Variants in LARS2 observed in about 807,000 individuals in gnomAD.
The protein encoded by LARS2 is leucine--tRNA ligase, mitochondrial.
A neutral mutation model predicts 116.6 loss-of-function variants in LARS2; 81 were observed. The ratio of observed to expected loss-of-function variants is 0.69; its 90% CI spans 0.58 to 0.84. LARS2 has a LOEUF of 0.84. LARS2 is among the 40% of genes least tolerant of loss of function. The pLI is 0.00. For synonymous variants in LARS2, 396 were observed against 407.2 expected (o/e 0.97, Z 0.33); for missense variants, 968 against 1,114.5 (o/e 0.87, Z 1.87).
At position 45,547,541 on chromosome 3, in the gene LARS2, G is replaced by A; in HGVS notation, c.*11G>A. 1.0e-5 allele frequency: 16 copies of A among 1,591,254 alleles called. No individual in the cohort carries two copies. Among genetic ancestry groups the A allele is most frequent in the Non-Finnish European group, 1.4e-5 (16 of 1,169,856 alleles). ...CTGGTGCAAGATTGACAGCCAGGAG[G>A]CTGCAGCTACCACGAGGGCCTCTGA... On this transcript the variant is annotated 3_prime_UTR_variant, in exon 22 of 22. Coordinates refer to ENST00000645846, the MANE Select transcript of LARS2 (RefSeq NM_015340.4).
chr3:45,446,840 TG>T (rs764809698), intron 6 of LARS2, 50 bp from the exon 7 acceptor site: 5 of 1,085,662 alleles, frequency 4.6e-6, no homozygotes, highest in East Asian at 2.5e-5. Context: ...CATGCATGGC[TG>T]GGGGGATGTT....
At chr3:45,525,762 G>T (rs1039252155) in intron 20 of LARS2, among the ~76,000 whole-genome samples, 2 of 152,170 alleles carry the variant, frequency 1.3e-5, no homozygotes. Flanking sequence ...AGGTGGCTTA[G>T]TTGGAAGAAG....
chr3:45,548,377 A>T lies in LARS2; in HGVS notation c.*847A>T, dbSNP rs1187301370. On this transcript the variant is annotated 3_prime_UTR_variant, in exon 22 of 22. Transcript: ENST00000645846. ...CTGCTGGTCCCAACCTCAGAGCCCC[A>T]CCGCAGCCCAGTAGGGATGCAGCAC... is the stretch of plus-strand genomic sequence containing the variant. 1 of 152,272 alleles carries T rather than the reference A, an allele frequency of 6.6e-6. No individual in the cohort carries two copies. Among genetic ancestry groups the T allele is most frequent in the Admixed American group, 6.5e-5 (1 of 15,276 alleles). 9.4% of individuals were successfully genotyped at this position (152,272 alleles called of 1,614,324 possible).
rs568691027 is a variant in LARS2, at chr3:45,500,632, T to C, written c.1760+53T>C. ...AATTGAGTTCCATGAATAGCAACTT[T>C]AAGCAGGTGTCAGTTCTTCTGAAGC... On this transcript the variant is annotated intron_variant, in intron 15 of 21. Coordinates refer to ENST00000645846, the MANE Select transcript of LARS2 (RefSeq NM_015340.4). 3.3e-5 allele frequency: 45 copies of C among 1,366,390 alleles called. No individual in the cohort carries two copies. The African/African-American group carries it at 5.5e-4, about 17-fold the overall frequency. 84.6% of individuals were successfully genotyped at this position (1,366,390 alleles called of 1,614,324 possible).
chr3:45,525,554 C>A (rs1700519491), intron 20 of LARS2, among the ~76,000 whole-genome samples: 1 of 152,218 alleles, frequency 6.6e-6, no homozygotes, highest in Non-Finnish European at 1.5e-5. Flanking sequence ...AAGACTGAAT[C>A]AAGGTCCAGT....
chr3:45,431,480 A>C (rs543872215), intron 6 of LARS2, among the ~76,000 whole-genome samples: 1 of 152,344 alleles, frequency 6.6e-6, no homozygotes, highest in South Asian at 2.1e-4. Context: ...ATGTTTTTTG[A>C]TACACAGTGT....
chr3:45,507,549 A>C (rs559280299), intron 15 of LARS2, among the ~76,000 whole-genome samples: 53 of 152,224 alleles, frequency 3.5e-4, no homozygotes, highest in African/African-American at 1.3e-3. Context: ...AAATGCCCCA[A>C]AATGCTGAGA....
chr3:45,460,549 AG>A (rs1699299277), intron 8 of LARS2, among the ~76,000 whole-genome samples: 1 of 152,242 alleles, frequency 6.6e-6, no homozygotes, highest in Admixed American at 6.5e-5. Context: ...GGAAATGGTT[AG>A]TTACCATGGT....
At chr3:45,526,360 A>G (rs1328120663) in intron 20 of LARS2, among the ~76,000 whole-genome samples, 2 of 152,196 alleles carry the variant, frequency 1.3e-5, no homozygotes, top group Non-Finnish European at 2.9e-5. Flanking sequence ...ACTTAAAAAG[A>G]TATGCACAGG....
intron 8 of LARS2, among the ~76,000 whole-genome samples, chr3:45,459,216 A>T (rs1699270153): frequency 6.6e-6 from 1 of 152,248 alleles, no homozygotes; most frequent in South Asian, 2.1e-4. Flanking sequence ...CCTTTAAAAA[A>T]AGAGAGAGAA....
chr3:45,524,717 A>G (rs929173702), intron 20 of LARS2, among the ~76,000 whole-genome samples: 6 of 152,210 alleles, frequency 3.9e-5, no homozygotes, highest in African/African-American at 1.2e-4. Flanking sequence ...GAAAGTCTTC[A>G]GATGTTTCTA....
intron 4 of LARS2, among the ~76,000 whole-genome samples, chr3:45,410,637 A>G (rs915506649): frequency 5.3e-5 from 8 of 152,098 alleles, no homozygotes; most frequent in Non-Finnish European, 8.8e-5. Context: ...TCCATTTCCT[A>G]TTTCTGCTTC....
intron 21 of LARS2, among the ~76,000 whole-genome samples, chr3:45,542,642 T>TCC (rs1341534377): frequency 6.6e-6 from 1 of 152,198 alleles, no homozygotes; most frequent in African/African-American, 2.4e-5. Context: ...GCCAGGTAAT[T>TCC]CACATTCAAA....
intron 4 of LARS2, among the ~76,000 whole-genome samples, chr3:45,417,087 C>CA (rs34878832): frequency 0.61 from 84,393 of 138,310 alleles, 26,463 homozygotes; most frequent in Non-Finnish European, 0.73. Context: ...AAAAAAAAAA[C>CA]AAAAAAAAAA....
In LARS2 at chr3:45,497,439, T is replaced by C. The variant is rs141789810; in HGVS notation, c.1622+1066T>C. Among the ~76,000 whole-genome samples, 25 of 152,310 alleles carry C rather than the reference T, an allele frequency of 1.6e-4. No individual in the cohort carries two copies. In the East Asian group the frequency reaches 4.8e-3, roughly 29 times the overall value. On this transcript the variant is annotated intron_variant, in intron 14 of 21. Coordinates refer to ENST00000645846, the MANE Select transcript of LARS2 (RefSeq NM_015340.4). ...TTAAAAGGGCCTTGCCTAATTGCTCTTGTCCATGGCAGAAACATTCTGGAA... is the reference window on the plus strand; with the variant it reads ...TTAAAAGGGCCTTGCCTAATTGCTCCTGTCCATGGCAGAAACATTCTGGAA...
At chr3:45,436,688 GGAGGCT>G (rs1698810802) in intron 6 of LARS2, among the ~76,000 whole-genome samples, 1 of 151,840 alleles carries the variant, frequency 6.6e-6, no homozygotes, top group Non-Finnish European at 1.5e-5. Context: ...CAGCTACTCG[GGAGGCT>G]GAGGCAAGAG....
chr3:45,532,933 C>G (rs891875477), intron 20 of LARS2, among the ~76,000 whole-genome samples: 1 of 152,106 alleles, frequency 6.6e-6, no homozygotes, highest in Non-Finnish European at 1.5e-5. Flanking sequence ...TGAACCACAG[C>G]GCCCGGCCAC....
At chr3:45,400,028 G>A (rs1479022674) in intron 3 of LARS2, among the ~76,000 whole-genome samples, 2 of 152,032 alleles carry the variant, frequency 1.3e-5, no homozygotes, top group Non-Finnish European at 2.9e-5. Flanking sequence ...AACACTTAGA[G>A]GTTGTTTGGC....
chr3:45,426,612 G>T (rs1193788810), intron 6 of LARS2, among the ~76,000 whole-genome samples: 1 of 152,162 alleles, frequency 6.6e-6, no homozygotes, highest in Non-Finnish European at 1.5e-5. Context: ...TCACCTTGAG[G>T]CCAGGGACCA....
Sources: allele counts gnomAD v4.1 joint callset (sites outside exome capture counted in the v4.1 genomes callset), GRCh38; gene constraint gnomAD v4.1.1; transcripts MANE v1.5; gene names NCBI Gene and HGNC (gene_info 2026-07-23, HGNC 2026-07-21).